Variants in SLC4A10 observed in about 807,000 individuals in gnomAD.
The protein encoded by SLC4A10 is sodium-driven chloride bicarbonate exchanger.
Under a neutral mutation model 137.7 loss-of-function variants are expected in SLC4A10, and 42 were observed. The observed-to-expected ratio is 0.30, with a 90% confidence interval of 0.24 to 0.39. The LOEUF is 0.39. Ranked by LOEUF, SLC4A10 falls within the 10% of genes least tolerant of loss-of-function variation. The pLI is 1.00. For missense variants in SLC4A10, 925 were observed against 1,355.0 expected (o/e 0.68, Z 4.98); for synonymous variants, 474 against 464.1 (o/e 1.02, Z -0.27).
chr2:161,680,919 C>G (rs1335888302), intron 1 of SLC4A10, among the ~76,000 whole-genome samples: 2 of 152,014 alleles, frequency 1.3e-5, no homozygotes, highest in Non-Finnish European at 2.9e-5. Context: ...AATGACAGTG[C>G]AGTTACAGAG....
At chr2:161,761,390 T>C (rs975168242) in intron 1 of SLC4A10, among the ~76,000 whole-genome samples, 4 of 151,958 alleles carry the variant, frequency 2.6e-5, no homozygotes, top group Non-Finnish European at 4.4e-5. Context: ...AAGGCATTTA[T>C]GAGCAAATTA....
chr2:161,654,143 G>A lies in SLC4A10; in HGVS notation c.48+29577G>A, dbSNP rs116623234. Among the ~76,000 whole-genome samples, 47 of 152,242 alleles carry A rather than the reference G, an allele frequency of 3.1e-4. No homozygotes were observed. In the East Asian group the frequency reaches 6.4e-3, roughly 21 times the overall value. On this transcript the variant is annotated intron_variant, in intron 1 of 26. Transcript: ENST00000446997. Reference sequence around the variant, plus strand: ...TCTCTGATGATTAGTGACAATGACCGTCTTTTCATATAACACTGGCCATTT... The same window carrying A: ...TCTCTGATGATTAGTGACAATGACCATCTTTTCATATAACACTGGCCATTT...
intron 2 of SLC4A10, among the ~76,000 whole-genome samples, chr2:161,796,758 T>G (rs1275323640): frequency 6.6e-6 from 1 of 152,206 alleles, no homozygotes; most frequent in African/African-American, 2.4e-5. Context: ...TTCATAAACT[T>G]TCCTCATGGA....
intron 5 of SLC4A10, among the ~76,000 whole-genome samples, chr2:161,862,446 T>C (rs936585687): frequency 6.6e-6 from 1 of 152,162 alleles, no homozygotes; most frequent in East Asian, 1.9e-4. Flanking sequence ...ATAAAACCAA[T>C]TTTCAAATTC....
At chr2:161,699,290 G>T (rs897103551) in intron 1 of SLC4A10, among the ~76,000 whole-genome samples, 1 of 152,156 alleles carries the variant, frequency 6.6e-6, no homozygotes, top group African/African-American at 2.4e-5. Flanking sequence ...AAAGTGCTGG[G>T]ATTACAGGCG....
intron 4 of SLC4A10, among the ~76,000 whole-genome samples, chr2:161,847,572 C>G (rs1040735645): frequency 6.6e-6 from 1 of 152,068 alleles, no homozygotes; most frequent in Non-Finnish European, 1.5e-5. Context: ...CTGTTGTTCC[C>G]TTCTTTGTAG....
chr2:161,641,246 T>TGTC (rs1238275868), intron 1 of SLC4A10, among the ~76,000 whole-genome samples: 1 of 152,226 alleles, frequency 6.6e-6, no homozygotes, highest in African/African-American at 2.4e-5. Context: ...AGATGATTTT[T>TGTC]ATGTACTTTC....
intron 4 of SLC4A10, among the ~76,000 whole-genome samples, chr2:161,840,463 G>T (rs1417944978): frequency 6.6e-6 from 1 of 152,128 alleles, no homozygotes; most frequent in African/African-American, 2.4e-5. Context: ...TTGTAATTAA[G>T]ATTTTTACAT....
At chr2:161,743,627 A>G (rs1348871422) in intron 1 of SLC4A10, among the ~76,000 whole-genome samples, 2 of 151,340 alleles carry the variant, frequency 1.3e-5, no homozygotes, top group Non-Finnish European at 1.5e-5. Flanking sequence ...TTGGTCTTTT[A>G]TGGTTCCATA....
At chr2:161,755,338 TTACAAAC>T (rs1339480747) in intron 1 of SLC4A10, among the ~76,000 whole-genome samples, 1 of 152,216 alleles carries the variant, frequency 6.6e-6, no homozygotes, top group Non-Finnish European at 1.5e-5. Flanking sequence ...TTAATTTCTT[TTACAAAC>T]TACAGAAGAC....
chr2:161,730,453 C>T (rs1391182861), intron 1 of SLC4A10, among the ~76,000 whole-genome samples: 1 of 152,140 alleles, frequency 6.6e-6, no homozygotes. Flanking sequence ...ATAAAACAAC[C>T]TATTATCTAT....
At chr2:161,660,561 T>TTTCC (rs2038162851) in intron 1 of SLC4A10, among the ~76,000 whole-genome samples, 2 of 46,760 alleles carry the variant, frequency 4.3e-5, no homozygotes, top group African/African-American at 6.5e-5. Flanking sequence ...TCTATATTTC[T>TTTCC]TTCTTTCTTT....
At chr2:161,879,837 A>G (rs781263303) in intron 9 of SLC4A10, among the ~76,000 whole-genome samples, 1 of 152,054 alleles carries the variant, frequency 6.6e-6, no homozygotes, top group Non-Finnish European at 1.5e-5. Flanking sequence ...GTATTATCGC[A>G]GTGTGGTTGG....
At chr2:161,817,518 C>A (rs2057205284) in intron 3 of SLC4A10, among the ~76,000 whole-genome samples, 1 of 152,058 alleles carries the variant, frequency 6.6e-6, no homozygotes, top group African/African-American at 2.4e-5. Context: ...GCTTTTGTTG[C>A]CATTGCTTTT....
intron 26 of SLC4A10, among the ~76,000 whole-genome samples, chr2:161,982,629 A>G (rs909059775): frequency 2.6e-5 from 4 of 152,218 alleles, no homozygotes; most frequent in African/African-American, 9.6e-5. Flanking sequence ...GTAAAGAGAT[A>G]GCACAGGTGT....
intron 10 of SLC4A10, among the ~76,000 whole-genome samples, chr2:161,884,321 A>G (rs1243490746): frequency 6.6e-6 from 1 of 152,168 alleles, no homozygotes. Flanking sequence ...AGAGGATCCT[A>G]CTATGTCATG....
intron 15 of SLC4A10, among the ~76,000 whole-genome samples, chr2:161,934,545 C>T (rs1473653521): frequency 1.3e-5 from 2 of 152,124 alleles, no homozygotes; most frequent in African/African-American, 4.8e-5. Flanking sequence ...ATATGTACCA[C>T]ATTTTCCTTA....
intron 1 of SLC4A10, among the ~76,000 whole-genome samples, chr2:161,742,003 A>G (rs1032816815): frequency 6.6e-6 from 1 of 152,188 alleles, no homozygotes; most frequent in Non-Finnish European, 1.5e-5. Context: ...TCTGGTAGCT[A>G]TCATTCTCCT....
intron 1 of SLC4A10, among the ~76,000 whole-genome samples, chr2:161,641,911 T>C (rs1016027264): frequency 2.0e-5 from 3 of 152,042 alleles, no homozygotes; most frequent in African/African-American, 7.2e-5. Flanking sequence ...ATTTAGAAGG[T>C]ATTGATTCAG....
Sources: allele counts gnomAD v4.1 joint callset (sites outside exome capture counted in the v4.1 genomes callset), GRCh38; gene constraint gnomAD v4.1.1; transcripts MANE v1.5; gene names NCBI Gene and HGNC (gene_info 2026-07-23, HGNC 2026-07-21).